PHGR1: variants seen among roughly 807,000 people sequenced by gnomAD.
The protein encoded by PHGR1 is proline, histidine and glycine-rich protein 1.
In PHGR1, 3 loss-of-function variants were observed where a neutral mutation model predicts 4.9. The observed-to-expected ratio is 0.61, with a 90% CI of 0.28 to 1.58. PHGR1 has a LOEUF of 1.58. PHGR1 is among the 40% of genes most tolerant of loss of function. The probability of loss-of-function intolerance (pLI) is 0.11; values close to 1 mark genes in which losing one functional copy is unlikely to be tolerated. For synonymous variants in PHGR1, 32 were observed against 46.1 expected (o/e 0.69, Z 1.24); for missense variants, 81 against 118.7 (o/e 0.68, Z 1.48).
At chr15:40,351,702 T>C (rs1359426275) in intron 1 of PHGR1, among the ~76,000 whole-genome samples, 1 of 152,088 alleles carries the variant, frequency 6.6e-6, no homozygotes. Context: ...GAGGATCACT[T>C]GAGCCTAGGC....
chr15:40,353,455 G>A lies in PHGR1; in HGVS notation c.10+188G>A, dbSNP rs1187567304. 7 of 710,090 alleles carry A rather than the reference G, an allele frequency of 9.9e-6. No homozygotes were observed. In the Admixed American group the frequency reaches 1.4e-4, roughly 14 times the overall value. 44.0% of individuals were successfully genotyped at this position (710,090 alleles called of 1,614,324 possible). ...CTTACATACTGTAGAACATGTTACA[G>A]TTTAAAAAGCATGCTTACTCATCAT... On this transcript the variant is annotated intron_variant, in intron 2 of 3. Transcript: ENST00000448599.
At chr15:40,355,544 C>T (rs1332179127) in intron 3 of PHGR1, among the ~76,000 whole-genome samples, 14 of 152,308 alleles carry the variant, frequency 9.2e-5, no homozygotes, top group Admixed American at 6.5e-5. Context: ...ACCTCCTACC[C>T]TCCGTGTCTT....
At chr15:40,352,368 G>C (rs999495651) in intron 1 of PHGR1, among the ~76,000 whole-genome samples, 1 of 152,078 alleles carries the variant, frequency 6.6e-6, no homozygotes, top group Admixed American at 6.5e-5. Flanking sequence ...TGCTCCTGAC[G>C]TCACATACTA....
rs892770921 is a variant in PHGR1, at chr15:40,356,340, TGA to T, written c.*42_*43del. 112 of 1,549,250 alleles carry T rather than the reference TGA, an allele frequency of 7.2e-5. No individual in the cohort carries two copies. The Admixed American group carries it at 2.2e-3, about 30-fold the overall frequency. On this transcript the variant is annotated 3_prime_UTR_variant, in exon 4 of 4. Coordinates refer to ENST00000448599, the MANE Select transcript of PHGR1 (RefSeq NM_001145643.2). ...AAAACAGGACACAAGATGGCAAGCCTGAGAGAATTGCCCAGCTGACCTGGAAT... is the reference window on the plus strand; with the variant it reads ...AAAACAGGACACAAGATGGCAAGCCTGAGAATTGCCCAGCTGACCTGGAAT...
intron 1 of PHGR1, 48 bp from the exon 2 acceptor site, chr15:40,353,184 G>A (rs1889236296): frequency 6.6e-7 from 1 of 1,514,364 alleles, no homozygotes; most frequent in South Asian, 1.2e-5. Context: ...AGAAAGGAAA[G>A]ACTGCAATTT....
chr15:40,353,631 C>T lies in PHGR1; in HGVS notation c.10+364C>T, dbSNP rs187430866. 846 of 270,986 alleles carry T rather than the reference C, an allele frequency of 3.1e-3. 5 individuals carry two copies. The highest frequency in any genetic ancestry group is 4.3e-3 in the Non-Finnish European group (601 of 140,180). 16.8% of individuals were successfully genotyped at this position (270,986 alleles called of 1,614,324 possible). A position where few individuals can be genotyped will look rare whatever the true frequency, so the allele number is the denominator to read the frequency against. On this transcript the variant is annotated intron_variant, in intron 2 of 3. Transcript: ENST00000448599. ...TGGGAGCTGTGCCATCGGCTTCCCTCGAAATGAACAAAAGACCGTCCTAGC... is the reference window on the plus strand; with the variant it reads ...TGGGAGCTGTGCCATCGGCTTCCCTTGAAATGAACAAAAGACCGTCCTAGC...
At chr15:40,353,485 TTAGGTGCTTCTAAGGG>T (rs748569168) in intron 2 of PHGR1, 50 of 596,776 alleles carry the variant, frequency 8.4e-5, no homozygotes, top group Non-Finnish European at 1.4e-4. Flanking sequence ...CATCATGTTC[TTAGGTGCTTCTAAGGG>T]TAGGTGCTTC....
chr15:40,353,473 C>T (rs1168348938), intron 2 of PHGR1: 2 of 645,592 alleles, frequency 3.1e-6, no homozygotes. Flanking sequence ...AGCATGCTTA[C>T]TCATCATGTT....
At chr15:40,352,836 C>T (rs138334797) in intron 1 of PHGR1, among the ~76,000 whole-genome samples, 1 of 152,302 alleles carries the variant, frequency 6.6e-6, no homozygotes, top group East Asian at 1.9e-4. Flanking sequence ...TGGCACAGGG[C>T]AGACACACAA....
At chr15:40,354,409 AC>A in intron 3 of PHGR1, 57 bp downstream of exon 3, 1 of 1,494,364 alleles carries the variant, frequency 6.7e-7, no homozygotes, top group Non-Finnish European at 9.0e-7. Context: ...TGTCCTCCAG[AC>A]CCCTAGCCTC....
intron 2 of PHGR1, 50 bp from the exon 3 acceptor site, chr15:40,354,295 A>G: frequency 6.5e-7 from 1 of 1,528,770 alleles, no homozygotes; most frequent in South Asian, 1.2e-5. Context: ...TTTTTACTGC[A>G]GAACCAAATG....
chr15:40,351,858 T>A (rs1889211318), intron 1 of PHGR1, among the ~76,000 whole-genome samples: 1 of 152,118 alleles, frequency 6.6e-6, no homozygotes, highest in Non-Finnish European at 1.5e-5. Context: ...TGTCTCAGCC[T>A]CCCAAGTAGC....
At chr15:40,353,142 TGTGTGCGCGC>T (rs1889233517) in intron 1 of PHGR1, 80 bp from the exon 2 acceptor site, 7 of 941,792 alleles carry the variant, frequency 7.4e-6, no homozygotes, top group Middle Eastern at 2.6e-4. Flanking sequence ...TGTGTGTGTG[TGTGTGCGCGC>T]GCGCGCGCAT....
Position 40,354,197 on chromosome 15 carries a change from T to C in PHGR1, c.11-148T>C, listed in dbSNP as rs918807837. On this transcript the variant is annotated intron_variant, in intron 2 of 3. Transcript: ENST00000448599. Reference sequence around the variant, plus strand: ...GCTGAGAGAATGAATGAAGGAATGATTGTCAGGCAAGTGACCATGTCTGAG... The same window carrying C: ...GCTGAGAGAATGAATGAAGGAATGACTGTCAGGCAAGTGACCATGTCTGAG... 11 of 780,000 alleles carry C rather than the reference T, an allele frequency of 1.4e-5. No individual in the cohort carries two copies. The African/African-American group carries it at 1.7e-4, about 12-fold the overall frequency. 48.3% of individuals were successfully genotyped at this position (780,000 alleles called of 1,614,324 possible). A position where few individuals can be genotyped will look rare whatever the true frequency, so the allele number is the denominator to read the frequency against.
chr15:40,352,378 A>G (rs1889217417), intron 1 of PHGR1, among the ~76,000 whole-genome samples: 1 of 152,102 alleles, frequency 6.6e-6, no homozygotes, highest in African/African-American at 2.4e-5. Context: ...GTCACATACT[A>G]CACTCCCATT....
intron 2 of PHGR1, chr15:40,353,530 G>C: frequency 2.1e-6 from 1 of 476,842 alleles, no homozygotes. Context: ...CACACTCAAG[G>C]CCCAGGGGAG....
At chr15:40,353,938 G>A (rs543580289) in intron 2 of PHGR1, among the ~76,000 whole-genome samples, 1 of 145,232 alleles carries the variant, frequency 6.9e-6, no homozygotes, top group South Asian at 2.1e-4. Context: ...TACGTGGGGC[G>A]TGACAGGGGC....
chr15:40,353,416 A>G, intron 2 of PHGR1, 149 bp downstream of exon 2: 1 of 961,886 alleles, frequency 1.0e-6, no homozygotes, highest in Non-Finnish European at 1.6e-6. Context: ...AGGGGTCCAC[A>G]ATGAAGACAA....
intron 2 of PHGR1, 30 bp downstream of exon 2, chr15:40,353,297 T>C (rs1015983697): frequency 6.4e-7 from 1 of 1,551,330 alleles, no homozygotes; most frequent in Non-Finnish European, 8.7e-7. Context: ...GGCTGGGAAT[T>C]GGAAGAAGGG....
Sources: allele counts gnomAD v4.1 joint callset (sites outside exome capture counted in the v4.1 genomes callset), GRCh38; gene constraint gnomAD v4.1.1; transcripts MANE v1.5; gene names NCBI Gene and HGNC (gene_info 2026-07-23, HGNC 2026-07-21).